The following RAB36 variants were observed in gnomAD, a reference collection of about 807,000 sequenced individuals.
The protein encoded by RAB36 is ras-related protein Rab-36.
In RAB36, 33 loss-of-function variants were observed where a neutral mutation model predicts 39.3. The observed-to-expected ratio is 0.84, with a 90% CI of 0.64 to 1.12. The LOEUF is 1.12. RAB36 is among the 50% of genes most tolerant of loss of function. RAB36 has a pLI of 0.00. For synonymous variants in RAB36, 133 were observed against 140.2 expected, an observed-to-expected ratio of 0.95 and a Z score of 0.36; for missense variants, 308 against 355.3, an observed-to-expected ratio of 0.87 and a Z score of 1.07.
At chr22:23,145,953 T>C in intron 1 of RAB36, 8 of 984,860 alleles carry the variant, frequency 8.1e-6, no homozygotes, top group Non-Finnish European at 9.6e-6. Context: ...CCTTCGTCCT[T>C]TGCAGACTGG....
chr22:23,154,604 G>A (rs1204814909), intron 5 of RAB36, among the ~76,000 whole-genome samples: 1 of 152,250 alleles, frequency 6.6e-6, no homozygotes, highest in East Asian at 1.9e-4. Flanking sequence ...TCACCCGTGT[G>A]ACCACAGGCC....
At position 23,145,527 on chromosome 22, in the gene RAB36, G is replaced by GC. The variant is rs2070713487; in HGVS notation, c.-33dup. ...GCTCAGGCGGACCAGGCCGCGCGGA[G>GC]CCCCAGCTTTCACAGCCATCGCTGG... On this transcript the variant is annotated 5_prime_UTR_variant, in exon 1 of 11. Transcript: ENST00000263116. 1 of 1,603,284 alleles carries GC rather than the reference G, an allele frequency of 6.2e-7. No individual in the cohort carries two copies. Among genetic ancestry groups the GC allele is most frequent in the African/African-American group, 1.3e-5 (1 of 74,850 alleles).
chr22:23,158,145 GT>G (rs2071565411), intron 7 of RAB36, 102 bp downstream of exon 7: 1 of 1,550,968 alleles, frequency 6.4e-7, no homozygotes, highest in Non-Finnish European at 8.7e-7. Flanking sequence ...CGTGGTGGGT[GT>G]GAGTGACCAG....
At position 23,163,720 on chromosome 22, in the gene RAB36, A is replaced by G. The variant is rs1049880638; in HGVS notation, c.*2156A>G. 2 of 151,778 alleles carry G rather than the reference A, an allele frequency of 1.3e-5. No individual in the cohort carries two copies. Among genetic ancestry groups the G allele is most frequent in the Admixed American group, 6.6e-5 (1 of 15,062 alleles). The allele number at this position is 151,778 out of a possible 1,614,324, so 9.4% of individuals were successfully genotyped here. On this transcript the variant is annotated 3_prime_UTR_variant, in exon 11 of 11. Coordinates refer to ENST00000263116, the MANE Select transcript of RAB36 (RefSeq NM_004914.5). ...AGGAAAGACTGTTAGCTCTGCTAAC[A>G]GTCAGGACTATTCCTTCTGGACTCT...
Position 23,152,667 on chromosome 22 carries a change from G to A in RAB36, c.227+141G>A, listed in dbSNP as rs138153281. 138 of 803,340 alleles carry A rather than the reference G, an allele frequency of 1.7e-4. No homozygotes were observed. The African/African-American group carries it at 2.0e-3, about 12-fold the overall frequency. 49.8% of individuals were successfully genotyped at this position (803,340 alleles called of 1,614,324 possible). A position where few individuals can be genotyped will look rare whatever the true frequency, so the allele number is the denominator to read the frequency against. On this transcript the variant is annotated intron_variant, in intron 4 of 10. Transcript: ENST00000263116. ...GCTGTGCCTCAGCCTGCTGGGAGCCGGATAAGAGGGGGTGCAAGAAATCGG... is the reference window on the plus strand; with the variant it reads ...GCTGTGCCTCAGCCTGCTGGGAGCCAGATAAGAGGGGGTGCAAGAAATCGG...
Position 23,161,684 on chromosome 22 carries a change from T to C in RAB36, c.*120T>C, listed in dbSNP as rs909580600. 4.8e-6 allele frequency: 4 copies of C among 834,504 alleles called. No homozygotes were observed. The highest frequency in any genetic ancestry group is 1.7e-5 in the South Asian group (1 of 58,218). 51.7% of individuals were successfully genotyped at this position (834,504 alleles called of 1,614,324 possible). A position where few individuals can be genotyped will look rare whatever the true frequency, so the allele number is the denominator to read the frequency against. On this transcript the variant is annotated 3_prime_UTR_variant, in exon 11 of 11. Coordinates refer to ENST00000263116, the MANE Select transcript of RAB36 (RefSeq NM_004914.5). ...GTGTCGCCCTCAAGCTGTAGGCCCA[T>C]GTTCCAGTCCCTCCACCCACCCACC...
At chr22:23,166,017 G>A (rs1337583036), downstream of RAB36, among the ~76,000 whole-genome samples, 5 of 151,794 alleles carry the variant, frequency 3.3e-5, no homozygotes, top group Non-Finnish European at 7.4e-5. Context: ...ATGGTGGCAC[G>A]CACCTGTAGT....
At chr22:23,153,270 A>G (rs2071267782) in intron 5 of RAB36, 136 bp downstream of exon 5, 1 of 702,388 alleles carries the variant, frequency 1.4e-6, no homozygotes, top group Non-Finnish European at 2.4e-6. Flanking sequence ...GTTGTGTGAC[A>G]CTTAGCTTCC....
chr22:23,153,650 C>T (rs1410723223), intron 5 of RAB36: 2 of 979,090 alleles, frequency 2.0e-6, no homozygotes, highest in Non-Finnish European at 1.2e-6. Flanking sequence ...ACACTGCAGC[C>T]TTCACTCCCT....
chr22:23,153,527 G>A lies in RAB36; in HGVS notation c.329+393G>A, dbSNP rs1024937221. On this transcript the variant is annotated intron_variant, in intron 5 of 10. Transcript: ENST00000263116. The stretch of plus-strand genomic sequence containing the variant: ...GAGCTCTGAGCCTCTGTTCCCACCT[G>A]TAAAATGGGGTCAAATCCAGTCCCT... The A allele has an allele frequency of 7.2e-6, 7 of 978,124 alleles. No homozygotes were observed. The Admixed American group carries it at 1.8e-4, about 26-fold the overall frequency. The allele number at this position is 978,124 out of a possible 1,614,324, so 60.6% of individuals were successfully genotyped here. A position where few individuals can be genotyped will look rare whatever the true frequency, so the allele number is the denominator to read the frequency against.
downstream of RAB36, among the ~76,000 whole-genome samples, chr22:23,168,494 C>T (rs553075089): frequency 2.7e-5 from 4 of 147,198 alleles, no homozygotes; most frequent in East Asian, 3.9e-4. Flanking sequence ...CACCGCTCCC[C>T]GCCACACACA....
intron 6 of RAB36, among the ~76,000 whole-genome samples, chr22:23,156,658 C>G (rs1228367290): frequency 1.3e-5 from 2 of 152,188 alleles, no homozygotes; most frequent in African/African-American, 4.8e-5. Flanking sequence ...TATAAGGCAC[C>G]GATATGTCTA....
intron 9 of RAB36, 65 bp downstream of exon 9, chr22:23,159,318 C>T (rs537573192): frequency 1.4e-6 from 2 of 1,435,508 alleles, no homozygotes; most frequent in Non-Finnish European, 1.9e-6. Context: ...TCCTGTGGGG[C>T]CTGCCATGCA....
intron 9 of RAB36, among the ~76,000 whole-genome samples, chr22:23,159,790 C>T (rs2071673325): frequency 1.3e-5 from 2 of 152,192 alleles, no homozygotes; most frequent in South Asian, 4.1e-4. Context: ...AAGACCCCAG[C>T]TCTCACTGAA....
Position 23,146,602 on chromosome 22 carries a change from C to A in RAB36, c.-12-3C>A. ...ACTGTCTTTCTCCTGGTTGGGTCCACAGGACTGTGGAAGAATGAGGTCCTC... is the reference window on the plus strand; with the variant it reads ...ACTGTCTTTCTCCTGGTTGGGTCCAAAGGACTGTGGAAGAATGAGGTCCTC... On this transcript the variant is annotated splice_region_variant and splice_polypyrimidine_tract_variant and intron_variant, in intron 1 of 10. Coordinates refer to ENST00000263116, the MANE Select transcript of RAB36 (RefSeq NM_004914.5). The A allele has an allele frequency of 6.2e-7, 1 of 1,613,820 alleles. No individual in the cohort carries two copies. The highest frequency in any genetic ancestry group is 8.5e-7 in the Non-Finnish European group (1 of 1,179,802).
chr22:23,161,358 G>T, intron 10 of RAB36, 142 bp from the exon 11 acceptor site: 1 of 814,794 alleles, frequency 1.2e-6, no homozygotes, highest in Non-Finnish European at 2.0e-6. Context: ...CCCTCTCTTG[G>T]CTTGTGTCAG....
chr22:23,161,645 C>A lies in RAB36; in HGVS notation c.*81C>A, dbSNP rs777389826. 8.0e-7 allele frequency: 1 copy of A among 1,247,080 alleles called. No individual in the cohort carries two copies. Among genetic ancestry groups the A allele is most frequent in the Non-Finnish European group, 1.1e-6 (1 of 890,486 alleles). The allele number at this position is 1,247,080 out of a possible 1,614,324, so 77.3% of individuals were successfully genotyped here. ...GTGACTGTGGTGTGGAGACTGGAGC[C>A]CAAGCTCTGCAGCGTGTCGCCCTCA... On this transcript the variant is annotated 3_prime_UTR_variant, in exon 11 of 11. Transcript: ENST00000263116.
At chr22:23,159,098 C>T (rs1210055181) in intron 8 of RAB36, 65 bp from the exon 9 acceptor site, 5 of 1,591,050 alleles carry the variant, frequency 3.1e-6, no homozygotes, top group South Asian at 2.2e-5. Flanking sequence ...AGGCAGCTGC[C>T]TATCCCCCTG....
intron 2 of RAB36, among the ~76,000 whole-genome samples, chr22:23,148,943 G>A (rs1030644105): frequency 7.2e-5 from 11 of 152,164 alleles, no homozygotes; most frequent in South Asian, 2.1e-4. Flanking sequence ...CTCCTCCAAC[G>A]ACCACATGAA....
Sources: allele counts gnomAD v4.1 joint callset (sites outside exome capture counted in the v4.1 genomes callset), GRCh38; gene constraint gnomAD v4.1.1; transcripts MANE v1.5; gene names NCBI Gene and HGNC (gene_info 2026-07-23, HGNC 2026-07-21).